ZNF385D: variants seen among roughly 807,000 people sequenced by gnomAD.
The protein encoded by ZNF385D is zinc finger protein 385D.
In ZNF385D, 15 loss-of-function variants were observed where a neutral mutation model predicts 35.8. The observed-to-expected ratio is 0.42, with a 90% CI of 0.28 to 0.64. ZNF385D has a LOEUF of 0.64. Among genes scored for constraint, ZNF385D ranks in the 30% least tolerant of loss-of-function variants. The probability of loss-of-function intolerance (pLI) is 0.23; values close to 1 mark genes in which losing one functional copy is unlikely to be tolerated. For missense variants in ZNF385D, 474 were observed against 494.6 expected, an observed-to-expected ratio of 0.96 and a Z score of 0.39; for synonymous variants, 212 against 186.8, an observed-to-expected ratio of 1.13 and a Z score of -1.10.
chr3:21,974,863 C>A (rs758374741), intron 3 of ZNF385D, among the ~76,000 whole-genome samples: 2 of 152,098 alleles, frequency 1.3e-5, no homozygotes, highest in African/African-American at 2.4e-5. Context: ...CCCACCTACA[C>A]TGAGATATCA....
chr3:22,238,409 T>C (rs1699309555), intron 2 of ZNF385D, among the ~76,000 whole-genome samples: 4 of 151,214 alleles, frequency 2.6e-5, no homozygotes, highest in African/African-American at 9.8e-5. Context: ...GACATGTATT[T>C]CTATCTTTAA....
intron 2 of ZNF385D, among the ~76,000 whole-genome samples, chr3:21,578,488 C>A (rs2063558007): frequency 6.6e-6 from 1 of 152,008 alleles, no homozygotes; most frequent in Non-Finnish European, 1.5e-5. Context: ...TAATCAATTT[C>A]ACATTGATTT....
intron 3 of ZNF385D, among the ~76,000 whole-genome samples, chr3:21,921,076 T>A (rs201642581): frequency 8.4e-5 from 12 of 142,698 alleles, no homozygotes; most frequent in Admixed American, 7.8e-4. Flanking sequence ...AAAAAAAAAA[T>A]AGCCGGCGTG....
At chr3:21,626,314 T>A (rs531989634) in intron 2 of ZNF385D, among the ~76,000 whole-genome samples, 5 of 152,102 alleles carry the variant, frequency 3.3e-5, no homozygotes, top group Non-Finnish European at 7.4e-5. Flanking sequence ...GCTGCTACTG[T>A]GCCAGAAACT....
At chr3:22,310,739 C>A (rs182283161) in intron 2 of ZNF385D, among the ~76,000 whole-genome samples, 2 of 151,710 alleles carry the variant, frequency 1.3e-5, no homozygotes, top group African/African-American at 2.4e-5. Context: ...AAATTATATA[C>A]GCTGTTTTCA....
intron 2 of ZNF385D, among the ~76,000 whole-genome samples, chr3:21,657,642 T>C (rs919318417): frequency 6.6e-6 from 1 of 151,952 alleles, no homozygotes; most frequent in Non-Finnish European, 1.5e-5. Context: ...TACGACGGCA[T>C]TTTTCACCTG....
intron 3 of ZNF385D, among the ~76,000 whole-genome samples, chr3:21,822,824 C>G (rs1287567180): frequency 6.6e-6 from 1 of 151,370 alleles, no homozygotes; most frequent in Non-Finnish European, 1.5e-5. Flanking sequence ...AAACAAGTGA[C>G]AAATTAATGC....
chr3:21,988,671 C>A (rs1331350096), intron 3 of ZNF385D, among the ~76,000 whole-genome samples: 1 of 151,520 alleles, frequency 6.6e-6, no homozygotes, highest in Non-Finnish European at 1.5e-5. Flanking sequence ...GGCAGGCAGG[C>A]CTCCTTGAGC....
intron 2 of ZNF385D, among the ~76,000 whole-genome samples, chr3:21,597,580 TTAGG>T (rs1204208967): frequency 6.6e-5 from 10 of 152,162 alleles, no homozygotes; most frequent in African/African-American, 2.4e-4. Flanking sequence ...GACTTGAGAA[TTAGG>T]TAGGACCATA....
chr3:21,854,480 C>T (rs1575781825), intron 3 of ZNF385D, among the ~76,000 whole-genome samples: 1 of 151,870 alleles, frequency 6.6e-6, no homozygotes. Context: ...TAATATAGGC[C>T]TTGCACTTGG....
intron 2 of ZNF385D, among the ~76,000 whole-genome samples, chr3:21,585,730 C>T (rs1200311389): frequency 2.0e-5 from 3 of 152,142 alleles, no homozygotes; most frequent in Non-Finnish European, 4.4e-5. Context: ...CTGCATAACA[C>T]GCCTTGGCAA....
intron 3 of ZNF385D, among the ~76,000 whole-genome samples, chr3:22,066,852 A>G (rs538108338): frequency 6.6e-6 from 1 of 152,286 alleles, no homozygotes; most frequent in Admixed American, 6.5e-5. Flanking sequence ...TTCCTTGAAA[A>G]CATAATCCAG....
chr3:21,838,702 A>G (rs1233688016), intron 3 of ZNF385D, among the ~76,000 whole-genome samples: 1 of 152,110 alleles, frequency 6.6e-6, no homozygotes, highest in Non-Finnish European at 1.5e-5. Context: ...AAACCCTGTT[A>G]ATAATATGAT....
chr3:21,777,064 G>A (rs188044330), intron 3 of ZNF385D, among the ~76,000 whole-genome samples: 6 of 152,066 alleles, frequency 3.9e-5, no homozygotes, highest in East Asian at 3.9e-4. Context: ...ACATGGGACC[G>A]TGTTGCCAAT....
intron 2 of ZNF385D, among the ~76,000 whole-genome samples, chr3:21,586,105 CTAAGA>C (rs2063803505): frequency 2.0e-5 from 3 of 152,030 alleles, no homozygotes; most frequent in East Asian, 3.9e-4. Context: ...ACTTGAAAGG[CTAAGA>C]TGAGAGGATC....
At chr3:22,083,442 G>A (rs572259220) in intron 3 of ZNF385D, among the ~76,000 whole-genome samples, 14 of 152,308 alleles carry the variant, frequency 9.2e-5, no homozygotes, top group African/African-American at 3.4e-4. Flanking sequence ...GCATGCACAA[G>A]CTTCAGTAGC....
intron 2 of ZNF385D, among the ~76,000 whole-genome samples, chr3:22,362,477 T>C (rs1013884634): frequency 6.6e-6 from 1 of 152,120 alleles, no homozygotes; most frequent in African/African-American, 2.4e-5. Flanking sequence ...CCTCAAATAC[T>C]TTTTTAACTC....
intron 3 of ZNF385D, among the ~76,000 whole-genome samples, chr3:21,992,492 C>T (rs1016895619): frequency 2.6e-5 from 4 of 152,146 alleles, no homozygotes; most frequent in South Asian, 2.1e-4. Flanking sequence ...CAACTCTTCC[C>T]GTGGTGCAAG....
At chr3:21,621,979 T>G (rs2125816287) in intron 2 of ZNF385D, among the ~76,000 whole-genome samples, 1 of 152,252 alleles carries the variant, frequency 6.6e-6, no homozygotes, top group African/African-American at 2.4e-5. Context: ...TTTTTGTATT[T>G]TTGTTTTGCT....
Sources: allele counts gnomAD v4.1 joint callset (sites outside exome capture counted in the v4.1 genomes callset), GRCh38; gene constraint gnomAD v4.1.1; transcripts MANE v1.5; gene names NCBI Gene and HGNC (gene_info 2026-07-23, HGNC 2026-07-21).